Variants in RBFOX3 observed in about 807,000 individuals in gnomAD.
The protein encoded by RBFOX3 is RNA binding protein fox-1 homolog 3.
A neutral mutation model predicts 48.7 loss-of-function variants in RBFOX3; 17 were observed. That is an observed-to-expected ratio of 0.35 (90% CI 0.24 to 0.52). The LOEUF is 0.52. RBFOX3 is among the 20% of genes least tolerant of loss of function. RBFOX3 has a pLI of 0.94. For synonymous variants in RBFOX3, 212 were observed against 209.5 expected (o/e 1.01, Z -0.10); for missense variants, 382 against 497.5 (o/e 0.77, Z 2.21).
In RBFOX3 at chr17:79,481,600, AG is replaced by A. The variant is rs1220453600; in HGVS notation, c.-175+853del. ...GAAATTTCACTCCCCACCTCAGGGG[AG>A]CAGAGAGGGCTAGAGACAGCTCAGT... On this transcript the variant is annotated intron_variant, in intron 2 of 14. Transcript: ENST00000693108. This position sits in a 1 kb window ranked among gnomAD's most constrained non-coding sequence, Gnocchi z 5.4. Among the ~76,000 whole-genome samples the A allele has an allele frequency of 3.3e-5, 5 of 151,970 alleles. No homozygotes were observed. Among genetic ancestry groups the A allele is most frequent in the African/African-American group, 1.2e-4 (5 of 41,362 alleles).
At chr17:79,572,524 G>A (rs1196000614) in intron 1 of RBFOX3, among the ~76,000 whole-genome samples, 2 of 152,174 alleles carry the variant, frequency 1.3e-5, no homozygotes, top group East Asian at 3.9e-4. Context: ...CCTCCCTGGT[G>A]GATCCTGAAG....
intron 2 of RBFOX3, among the ~76,000 whole-genome samples, chr17:79,476,682 C>G (rs2077812592): frequency 1.3e-5 from 2 of 152,240 alleles, no homozygotes; most frequent in South Asian, 4.1e-4. Flanking sequence ...GTGGTGACTG[C>G]CAAGTCACCA....
At chr17:79,230,552 C>G (rs2060913932) in intron 4 of RBFOX3, among the ~76,000 whole-genome samples, 1 of 152,152 alleles carries the variant, frequency 6.6e-6, no homozygotes, top group African/African-American at 2.4e-5. Flanking sequence ...AGCCACGGCA[C>G]CCGGCTCTCC....
intron 2 of RBFOX3, among the ~76,000 whole-genome samples, chr17:79,434,702 A>G (rs2069075428): frequency 6.6e-6 from 1 of 152,114 alleles, no homozygotes; most frequent in Non-Finnish European, 1.5e-5. Flanking sequence ...GGCCCAGACA[A>G]TTGTGCATTG....
chr17:79,344,761 G>A (rs940917199), intron 2 of RBFOX3, among the ~76,000 whole-genome samples: 2 of 151,938 alleles, frequency 1.3e-5, no homozygotes, highest in Non-Finnish European at 1.5e-5. Context: ...TCACCATGTT[G>A]GCCAGGCTGG....
chr17:79,486,846 G>A (rs1467690238), intron 1 of RBFOX3, among the ~76,000 whole-genome samples: 5 of 152,156 alleles, frequency 3.3e-5, no homozygotes, highest in Non-Finnish European at 5.9e-5. Context: ...TTTCCTCTTC[G>A]CAGCTCTCAG....
the RBFOX3 span, among the ~76,000 whole-genome samples, chr17:79,654,298 C>T: frequency 4.9e-4 from 75 of 152,308 alleles, no homozygotes; most frequent in African/African-American, 1.7e-3. Context: ...CCCCTCTAGA[C>T]TACCCTCCAA....
At chr17:79,565,496 C>T (rs1022027205) in intron 1 of RBFOX3, among the ~76,000 whole-genome samples, 1 of 152,086 alleles carries the variant, frequency 6.6e-6, no homozygotes, top group East Asian at 1.9e-4. Context: ...TGCACTACCA[C>T]ACCCAATAAT....
rs75639200 is a variant in RBFOX3 at position 79,348,001 on chromosome 17, G to A, written c.-174-40177C>T. Reference sequence around the variant, plus strand: ...TGATCTCAGAGAGCGGTGGGTGAATGTACTCCAAGTGGAGAGGCTCCAAAA... The same window carrying A: ...TGATCTCAGAGAGCGGTGGGTGAATATACTCCAAGTGGAGAGGCTCCAAAA... On this transcript the variant is annotated intron_variant, in intron 2 of 14. Coordinates refer to ENST00000693108, the MANE Select transcript of RBFOX3 (RefSeq NM_001350451.2). Among the ~76,000 whole-genome samples the A allele has an allele frequency of 4.8e-3, 738 of 152,258 alleles. 6 individuals carry two copies. The highest frequency in any genetic ancestry group is 0.017 in the African/African-American group (719 of 41,532).
intron 3 of RBFOX3, among the ~76,000 whole-genome samples, chr17:79,248,113 G>C (rs2063422906): frequency 6.6e-6 from 1 of 152,226 alleles, no homozygotes; most frequent in African/African-American, 2.4e-5. Flanking sequence ...AGGGCGAAGG[G>C]GCGGGGCTCT....
chr17:79,355,780 C>T (rs937206961), intron 2 of RBFOX3, among the ~76,000 whole-genome samples: 5 of 152,084 alleles, frequency 3.3e-5, no homozygotes, highest in African/African-American at 1.2e-4. Context: ...GGGATTTCAC[C>T]ATGTTGGCCA....
rs1307856511 is a variant in RBFOX3, at chr17:79,535,927, AGCG to A, written c.-319-53332_-319-53330del. Among the ~76,000 whole-genome samples, 2 of 152,142 alleles carry A rather than the reference AGCG, an allele frequency of 1.3e-5. No individual in the cohort carries two copies. Among genetic ancestry groups the A allele is most frequent in the African/African-American group, 4.8e-5 (2 of 41,422 alleles). On this transcript the variant is annotated intron_variant, in intron 1 of 14. Coordinates refer to ENST00000693108, the MANE Select transcript of RBFOX3 (RefSeq NM_001350451.2). This position sits in a 1 kb window ranked among gnomAD's most constrained non-coding sequence, Gnocchi z 4.5. Reference sequence around the variant, plus strand: ...CACTGCACCCCTGCCCGTGACCAGTAGCGGCAGGGTCATCTCCACAGGCCCCTC... The same window carrying A: ...CACTGCACCCCTGCCCGTGACCAGTAGCAGGGTCATCTCCACAGGCCCCTC...
chr17:79,468,719 T>TAGAC (rs1287587570), intron 2 of RBFOX3, among the ~76,000 whole-genome samples: 5,253 of 119,306 alleles, frequency 0.044, 135 homozygotes, highest in South Asian at 0.066. Flanking sequence ...AATGGATGCA[T>TAGAC]AGATAGATAG....
intron 2 of RBFOX3, among the ~76,000 whole-genome samples, chr17:79,376,796 T>G (rs1186546344): frequency 6.6e-6 from 1 of 152,162 alleles, no homozygotes; most frequent in Non-Finnish European, 1.5e-5. Flanking sequence ...TGTTCGCTTT[T>G]CTGTCTCTCC....
chr17:79,258,046 C>T (rs1411019203), intron 3 of RBFOX3, among the ~76,000 whole-genome samples: 1 of 152,180 alleles, frequency 6.6e-6, no homozygotes, highest in Non-Finnish European at 1.5e-5. Context: ...TTTGGCCTCA[C>T]TGGGAATAGA....
rs1555788496 is a variant in RBFOX3 at position 79,535,513 on chromosome 17, A to G, written c.-319-52915T>C. Among the ~76,000 whole-genome samples, 1 of 152,080 alleles carries G rather than the reference A, an allele frequency of 6.6e-6. No homozygotes were observed. The highest frequency in any genetic ancestry group is 1.5e-5 in the Non-Finnish European group (1 of 68,014). On this transcript the variant is annotated intron_variant, in intron 1 of 14. Coordinates refer to ENST00000693108, the MANE Select transcript of RBFOX3 (RefSeq NM_001350451.2). This position sits in a 1 kb window ranked among gnomAD's most constrained non-coding sequence, Gnocchi z 4.5. ...CCTGTTACCCAAGTGAGTCACCCCA[A>G]ACGAATGAGGCCCTCAGATGATCCA...
chr17:79,271,224 C>T (rs1975869), intron 3 of RBFOX3, among the ~76,000 whole-genome samples: 40,865 of 151,844 alleles, frequency 0.27, 5,885 homozygotes, highest in East Asian at 0.5. Flanking sequence ...TACAGGTGCC[C>T]GTCACCATGC....
At chr17:79,170,183 A>G (rs2048968138) in intron 4 of RBFOX3, among the ~76,000 whole-genome samples, 1 of 122,696 alleles carries the variant, frequency 8.2e-6, no homozygotes, top group Non-Finnish European at 1.6e-5. Context: ...AAGGGGAAGG[A>G]AGGGCAGGGT....
chr17:79,416,605 C>T (rs2065407098), intron 2 of RBFOX3, among the ~76,000 whole-genome samples: 1 of 152,336 alleles, frequency 6.6e-6, no homozygotes, highest in Non-Finnish European at 1.5e-5. Context: ...ACCCTGGGGC[C>T]AATCCCAGTA....
Sources: gnomAD v4.1 joint callset for allele counts (sites outside exome capture counted in the v4.1 genomes callset) on GRCh38, gnomAD v4.1.1 for gene constraint, Gnocchi (gnomAD v3.1) non-coding constraint, MANE v1.5 for transcripts, NCBI Gene and HGNC (gene_info 2026-07-23, HGNC 2026-07-21) for gene names.